The following NDUFAF7 variants were observed in gnomAD, a reference collection of about 807,000 sequenced individuals.
The protein encoded by NDUFAF7 is protein arginine methyltransferase NDUFAF7, mitochondrial.
A neutral mutation model predicts 47.2 loss-of-function variants in NDUFAF7; 48 were observed. The observed-to-expected ratio is 1.02, with a 90% CI of 0.81 to 1.29. The LOEUF is 1.29. Ranked by LOEUF, NDUFAF7 falls within the 50% of genes most tolerant of loss-of-function variation. The probability of loss-of-function intolerance (pLI) is 0.00; values close to 1 mark genes in which losing one functional copy is unlikely to be tolerated. For synonymous variants in NDUFAF7, 217 were observed against 190.0 expected, an observed-to-expected ratio of 1.14 and a Z score of -1.17; for missense variants, 635 against 537.6, an observed-to-expected ratio of 1.18 and a Z score of -1.79.
At chr2:37,242,507 G>C in intron 5 of NDUFAF7, 128 bp from the exon 6 acceptor site, 1 of 705,114 alleles carries the variant, frequency 1.4e-6, no homozygotes, top group African/African-American at 1.8e-5. Context: ...AGTTTTCCAT[G>C]AAGAGGTAGA....
chr2:37,235,287 GATATAATATTCAT>G (rs1261171165), intron 2 of NDUFAF7, among the ~76,000 whole-genome samples: 1 of 151,840 alleles, frequency 6.6e-6, no homozygotes. Context: ...TTTTTCTGGA[GATATAATATTCAT>G]ATAGAAAAGT....
chr2:37,247,615 G>C lies in NDUFAF7; in HGVS notation c.1096G>C (p.Asp366His). 1 of 1,613,918 alleles carries C rather than the reference G, an allele frequency of 6.2e-7. No homozygotes were observed. Among genetic ancestry groups the C allele is most frequent in the Middle Eastern group, 1.7e-4 (1 of 6,060 alleles). Residue 366 changes from aspartate (D) to histidine (H), a missense_variant, in exon 9 of 10, where the codon GAT becomes CAT. Transcript: ENST00000002125. ...QHTFLKNMGIDVRLKVLLDKS... is the reference protein window; with the variant it reads ...QHTFLKNMGIHVRLKVLLDKS... The stretch of plus-strand genomic sequence containing the variant: ...CACATTTTTAAAAAATATGGGTATT[G>C]ATGTCCGGCTGAAGGTAAGGTTTAT...
chr2:37,233,485 G>T (rs1014115583), intron 2 of NDUFAF7, among the ~76,000 whole-genome samples: 2 of 152,088 alleles, frequency 1.3e-5, no homozygotes, highest in East Asian at 3.9e-4. Flanking sequence ...AAAATTAGCC[G>T]GGCGTGGTGG....
At chr2:37,256,673 A>G (rs1273633664), downstream of NDUFAF7, 3 of 1,315,234 alleles carry the variant, frequency 2.3e-6, no homozygotes, top group South Asian at 4.5e-5. Flanking sequence ...TTCACCAGAA[A>G]TTTCTCTCCA....
chr2:37,260,318 C>G, the NDUFAF7 span: 4 of 1,609,208 alleles, frequency 2.5e-6, no homozygotes, highest in Non-Finnish European at 2.6e-6. Flanking sequence ...TTTTCCATTA[C>G]TACAAAGACT....
chr2:37,242,484 G>T, intron 5 of NDUFAF7, 151 bp from the exon 6 acceptor site: 1 of 641,614 alleles, frequency 1.6e-6, no homozygotes, highest in Non-Finnish European at 2.8e-6. Flanking sequence ...ATTGTTCTAT[G>T]TTCTGCAGTG....
chr2:37,270,785 C>G, the NDUFAF7 span, among the ~76,000 whole-genome samples: 5 of 152,154 alleles, frequency 3.3e-5, no homozygotes, highest in African/African-American at 1.2e-4. Flanking sequence ...AATTTTGGTT[C>G]TAATCAGATT....
rs762003551 is a variant in NDUFAF7, at chr2:37,232,370, C to G, written c.216+104C>G. 5 of 1,458,488 alleles carry G rather than the reference C, an allele frequency of 3.4e-6. No homozygotes were observed. In the South Asian group the frequency reaches 3.4e-5, roughly 10 times the overall value. 90.3% of individuals were successfully genotyped at this position (1,458,488 alleles called of 1,614,324 possible). A position where few individuals can be genotyped will look rare whatever the true frequency, so the allele number is the denominator to read the frequency against. ...GTTCTCAGCCCAGGCAGTGGGGGTG[C>G]CTGCCAGGGGAAGAGCCATTTCTGA... On this transcript the variant is annotated intron_variant, in intron 2 of 9. Coordinates refer to ENST00000002125, the MANE Select transcript of NDUFAF7 (RefSeq NM_144736.5).
the NDUFAF7 span, among the ~76,000 whole-genome samples, chr2:37,261,131 A>G: frequency 1.3e-5 from 2 of 152,176 alleles, no homozygotes; most frequent in African/African-American, 2.4e-5. Context: ...CAGTCTTCCA[A>G]TTTAATCTTA....
downstream of NDUFAF7, among the ~76,000 whole-genome samples, chr2:37,253,915 T>G (rs1332778792): frequency 6.6e-6 from 1 of 152,198 alleles, no homozygotes; most frequent in Non-Finnish European, 1.5e-5. Context: ...AGTAGACATT[T>G]AAAATAAATT....
the NDUFAF7 span, among the ~76,000 whole-genome samples, chr2:37,258,761 T>C: frequency 1.3e-5 from 2 of 152,234 alleles, no homozygotes; most frequent in Non-Finnish European, 2.9e-5. Flanking sequence ...CGATTTTTAA[T>C]ATATCTTTTT....
the NDUFAF7 span, among the ~76,000 whole-genome samples, chr2:37,261,524 TAATCCCAACATTTTGC>T: frequency 2.0e-5 from 3 of 152,066 alleles, no homozygotes; most frequent in South Asian, 6.2e-4. Flanking sequence ...CTCACGCCTG[TAATCCCAACATTTTGC>T]GAGGCCAAGG....
At chr2:37,240,684 G>A (rs1217884068) in intron 4 of NDUFAF7, among the ~76,000 whole-genome samples, 1 of 152,094 alleles carries the variant, frequency 6.6e-6, no homozygotes, top group African/African-American at 2.4e-5. Context: ...TACTTTAAAA[G>A]TTGATTCCAG....
intron 6 of NDUFAF7, among the ~76,000 whole-genome samples, chr2:37,242,900 T>A (rs1416265636): frequency 6.6e-6 from 1 of 152,214 alleles, no homozygotes; most frequent in Non-Finnish European, 1.5e-5. Context: ...TTATTAAGAA[T>A]TCTTAATTCT....
the NDUFAF7 span, among the ~76,000 whole-genome samples, chr2:37,266,544 T>TGGCA: frequency 3.4e-4 from 51 of 151,162 alleles, no homozygotes; most frequent in Admixed American, 1.5e-3. Flanking sequence ...TGGAGTGCAA[T>TGGCA]GGCACAATCT....
intron 1 of NDUFAF7, 57 bp from the exon 2 acceptor site, chr2:37,232,049 T>G (rs1665201458): frequency 1.7e-5 from 28 of 1,613,490 alleles, no homozygotes; most frequent in African/African-American, 2.7e-5. Context: ...TCAGGCGGCT[T>G]GCGCTCGTGA....
chr2:37,233,840 A>G (rs1439308737), intron 2 of NDUFAF7, among the ~76,000 whole-genome samples: 1 of 152,162 alleles, frequency 6.6e-6, no homozygotes, highest in Non-Finnish European at 1.5e-5. Flanking sequence ...CAGGGGTTTC[A>G]TGAAGCTGGA....
At chr2:37,232,800 T>C (rs1665312996) in intron 2 of NDUFAF7, among the ~76,000 whole-genome samples, 1 of 152,212 alleles carries the variant, frequency 6.6e-6, no homozygotes, top group South Asian at 2.1e-4. Flanking sequence ...TTCACTGTTC[T>C]AGGATTAGGC....
At chr2:37,249,692 AATTTTCAGATAAATGTCAAATTTTAG>A (rs1667324493), downstream of NDUFAF7, among the ~76,000 whole-genome samples, 1 of 146,548 alleles carries the variant, frequency 6.8e-6, no homozygotes, top group South Asian at 2.2e-4. Context: ...TAGGAGGAAT[AATTTTCAGATAAATGTCAAATTTTAG>A]TTCTGTATTA....
Sources: gnomAD v4.1 joint callset for allele counts (sites outside exome capture counted in the v4.1 genomes callset) on GRCh38, gnomAD v4.1.1 for gene constraint, MANE v1.5 for transcripts, NCBI Gene and HGNC (gene_info 2026-07-23, HGNC 2026-07-21) for gene names.